Variants in LYPD6B observed in about 807,000 individuals in gnomAD.
The protein encoded by LYPD6B is LY6/PLAUR domain containing 6B.
Under a neutral mutation model 22.8 loss-of-function variants are expected in LYPD6B, and 17 were observed. That is an observed-to-expected ratio of 0.75 (90% CI 0.51 to 1.12). LYPD6B has a LOEUF of 1.12. LYPD6B is among the 50% of genes most tolerant of loss of function. LYPD6B has a pLI of 0.00. For missense variants in LYPD6B, 221 were observed against 258.3 expected (o/e 0.86, Z 0.99); for synonymous variants, 106 against 91.6 (o/e 1.16, Z -0.90).
chr2:149,133,561 T>C (rs1045182422), intron 2 of LYPD6B, among the ~76,000 whole-genome samples: 1 of 152,208 alleles, frequency 6.6e-6, no homozygotes, highest in African/African-American at 2.4e-5. Flanking sequence ...GCTGGGCATC[T>C]TTCAAGAGTA....
At chr2:149,043,116 G>A (rs1000166066) in intron 1 of LYPD6B, among the ~76,000 whole-genome samples, 1 of 152,120 alleles carries the variant, frequency 6.6e-6, no homozygotes, top group African/African-American at 2.4e-5. Flanking sequence ...GAAGAAATAC[G>A]GTGGTTACAA....
chr2:149,189,136 G>A (rs1003238330), intron 3 of LYPD6B, among the ~76,000 whole-genome samples: 2 of 151,664 alleles, frequency 1.3e-5, no homozygotes, highest in Non-Finnish European at 2.9e-5. Flanking sequence ...TCATGCCAGG[G>A]GCTAAAGAGT....
chr2:149,189,470 G>C (rs948316751), intron 3 of LYPD6B, among the ~76,000 whole-genome samples: 2 of 150,294 alleles, frequency 1.3e-5, no homozygotes, highest in African/African-American at 2.4e-5. Context: ...TCTTAAAAAT[G>C]GATAATGAAT....
intron 1 of LYPD6B, among the ~76,000 whole-genome samples, chr2:149,062,239 G>A (rs527274246): frequency 3.3e-4 from 50 of 152,210 alleles, no homozygotes; most frequent in Middle Eastern, 3.4e-3. Context: ...CACCTGCCTC[G>A]GCCTCCCAAA....
intron 3 of LYPD6B, among the ~76,000 whole-genome samples, chr2:149,171,559 T>C (rs983527781): frequency 6.6e-6 from 1 of 151,434 alleles, no homozygotes; most frequent in African/African-American, 2.4e-5. Flanking sequence ...ATCCCCAGCC[T>C]ATTTTCTTGT....
At chr2:149,088,790 C>T (rs750814507) in intron 1 of LYPD6B, among the ~76,000 whole-genome samples, 1 of 152,138 alleles carries the variant, frequency 6.6e-6, no homozygotes, top group Non-Finnish European at 1.5e-5. Context: ...AGGATTTTTG[C>T]AGTAGTATTT....
Position 149,118,496 on chromosome 2 carries a change from C to T in LYPD6B, c.-66-12387C>T, listed in dbSNP as rs139004151. ...TGCCTTGATGCAGTTCCTTCTGGTACACTTTTTGGGGCTAATATTGTTCTT... is the reference window on the plus strand; with the variant it reads ...TGCCTTGATGCAGTTCCTTCTGGTATACTTTTTGGGGCTAATATTGTTCTT... On this transcript the variant is annotated intron_variant, in intron 1 of 6. Coordinates refer to ENST00000409642, the MANE Select transcript of LYPD6B (RefSeq NM_177964.5). Among the ~76,000 whole-genome samples the T allele has an allele frequency of 1.2e-4, 19 of 152,302 alleles. No homozygotes were observed. In the East Asian group the frequency reaches 2.1e-3, roughly 17 times the overall value.
In LYPD6B at chr2:149,198,125, C is replaced by T. The variant is rs138799293; in HGVS notation, c.78-7128C>T. 5.2e-3 allele frequency among the ~76,000 whole-genome samples: 785 copies of T among 151,978 alleles called. 7 individuals are homozygous for T. The highest frequency in any genetic ancestry group is 0.018 in the African/African-American group (765 of 41,450). ...TGGCATGACCTCGGCTCACTGCAAT[C>T]CCCGCCTCCTAGGTTCAAGTGATTC... On this transcript the variant is annotated intron_variant, in intron 3 of 6. Transcript: ENST00000409642.
In LYPD6B at chr2:149,038,779, G is replaced by C. The variant is rs756066344; in HGVS notation, c.-89G>C. On this transcript the variant is annotated 5_prime_UTR_variant, in exon 1 of 7. Transcript: ENST00000409642. ...GGGAGCCGGGTGAGGGCGCCGAGAG[G>C]CTCGGTGGGCGCGGGCGGCGAGGTG... 70 of 151,270 alleles carry C rather than the reference G, an allele frequency of 4.6e-4. No homozygotes were observed. The highest frequency in any genetic ancestry group is 8.6e-4 in the Non-Finnish European group (58 of 67,818). The allele number at this position is 151,270 out of a possible 1,614,324, so 9.4% of individuals were successfully genotyped here. A position where few individuals can be genotyped will look rare whatever the true frequency, so the allele number is the denominator to read the frequency against.
intron 4 of LYPD6B, among the ~76,000 whole-genome samples, chr2:149,207,285 C>T (rs1360893277): frequency 6.6e-6 from 1 of 152,096 alleles, no homozygotes; most frequent in African/African-American, 2.4e-5. Context: ...CCATACATAT[C>T]CTCCCCTTTA....
intron 1 of LYPD6B, among the ~76,000 whole-genome samples, chr2:149,070,620 G>A (rs923308099): frequency 6.6e-6 from 1 of 152,146 alleles, no homozygotes; most frequent in Non-Finnish European, 1.5e-5. Context: ...ACTCTTGTTG[G>A]CTTCTAGTCA....
intron 3 of LYPD6B, among the ~76,000 whole-genome samples, chr2:149,190,273 C>CACGCACGTGCGTGTGTGTGT (rs1692404869): frequency 1.3e-5 from 2 of 152,000 alleles, no homozygotes; most frequent in African/African-American, 4.8e-5. Flanking sequence ...TGTGTGTGTG[C>CACGCACGTGCGTGTGTGTGT]ACGCACGTGC....
intron 2 of LYPD6B, among the ~76,000 whole-genome samples, chr2:149,153,537 G>T (rs546246338): frequency 1.3e-5 from 2 of 152,258 alleles, no homozygotes; most frequent in Middle Eastern, 6.8e-3. Context: ...ATCACTTTGG[G>T]AGGCCGAGGC....
chr2:149,053,340 A>C (rs1683649471), intron 1 of LYPD6B, among the ~76,000 whole-genome samples: 1 of 152,222 alleles, frequency 6.6e-6, no homozygotes, highest in Admixed American at 6.5e-5. Context: ...ATAGCTTAAC[A>C]AAGTCTTCAT....
intron 1 of LYPD6B, among the ~76,000 whole-genome samples, chr2:149,095,501 G>T (rs964518872): frequency 6.6e-6 from 1 of 152,146 alleles, no homozygotes; most frequent in Non-Finnish European, 1.5e-5. Context: ...TTAGAAATTT[G>T]TATGCACTTA....
intron 2 of LYPD6B, among the ~76,000 whole-genome samples, chr2:149,149,640 C>A (rs115745974): frequency 6.6e-6 from 1 of 152,224 alleles, no homozygotes; most frequent in African/African-American, 2.4e-5. Flanking sequence ...TCACATGCAC[C>A]ATAACGTGTG....
At chr2:149,058,598 G>C (rs189372895) in intron 1 of LYPD6B, among the ~76,000 whole-genome samples, 247 of 152,306 alleles carry the variant, frequency 1.6e-3, no homozygotes, top group Middle Eastern at 3.4e-3. Flanking sequence ...TCTGACTCTA[G>C]AAACAGTCCA....
intron 1 of LYPD6B, among the ~76,000 whole-genome samples, chr2:149,060,103 G>A (rs6751976): frequency 0.2 from 29,948 of 152,010 alleles, 3,071 homozygotes; most frequent in East Asian, 0.38. Context: ...TACTGCACTA[G>A]TTACTAGTGC....
At chr2:149,108,687 T>A (rs757254352) in intron 1 of LYPD6B, among the ~76,000 whole-genome samples, 14 of 152,230 alleles carry the variant, frequency 9.2e-5, no homozygotes, top group South Asian at 4.1e-4. Flanking sequence ...GAACACATAT[T>A]GAATGTTATT....
Sources: allele counts gnomAD v4.1 joint callset (sites outside exome capture counted in the v4.1 genomes callset), GRCh38; gene constraint gnomAD v4.1.1; transcripts MANE v1.5; gene names NCBI Gene and HGNC (gene_info 2026-07-23, HGNC 2026-07-21).